Variants in GBE1 observed in about 807,000 individuals in gnomAD.
GBE1 encodes the protein 1,4-alpha-glucan-branching enzyme.
GBE1 carries 70 observed loss-of-function variants against 88.8 expected under a neutral mutation model. The ratio of observed to expected loss-of-function variants is 0.79; its 90% confidence interval spans 0.65 to 0.96. GBE1 has a LOEUF of 0.96. Ranked by LOEUF, GBE1 falls within the 40% of genes least tolerant of loss-of-function variation. The pLI is 0.00. For synonymous variants in GBE1, 284 were observed against 300.1 expected, an observed-to-expected ratio of 0.95 and a Z score of 0.56; for missense variants, 872 against 871.0, an observed-to-expected ratio of 1.00 and a Z score of -0.01.
At chr3:81,753,064 T>C (rs1326336577) in intron 1 of GBE1, among the ~76,000 whole-genome samples, 1 of 152,226 alleles carries the variant, frequency 6.6e-6, no homozygotes, top group African/African-American at 2.4e-5. Flanking sequence ...CAGAGGTTGA[T>C]TAATTTTCCC....
chr3:81,741,783 AAT>A (rs898034949), intron 1 of GBE1, among the ~76,000 whole-genome samples: 5 of 148,652 alleles, frequency 3.4e-5, no homozygotes, highest in African/African-American at 1.2e-4. Context: ...CACTCTACAT[AAT>A]ATATAGAGTA....
At chr3:81,584,940 A>G (rs962403450) in intron 10 of GBE1, among the ~76,000 whole-genome samples, 2 of 152,138 alleles carry the variant, frequency 1.3e-5, no homozygotes, top group Non-Finnish European at 2.9e-5. Flanking sequence ...GAGGGAAAAA[A>G]GTCTACATGA....
chr3:81,708,167 T>C (rs755931263), intron 1 of GBE1, among the ~76,000 whole-genome samples: 1 of 151,950 alleles, frequency 6.6e-6, no homozygotes, highest in Non-Finnish European at 1.5e-5. Context: ...AATAGATCTA[T>C]GGAGAAAAAC....
intron 10 of GBE1, 55 bp downstream of exon 10, chr3:81,586,037 T>A: frequency 1.1e-6 from 1 of 945,674 alleles, no homozygotes; most frequent in Non-Finnish European, 1.6e-6. Context: ...AAATTAAAGA[T>A]AAATGAAGCA....
chr3:81,623,603 C>T (rs1704362228), intron 7 of GBE1, among the ~76,000 whole-genome samples: 1 of 152,122 alleles, frequency 6.6e-6, no homozygotes, highest in African/African-American at 2.4e-5. Flanking sequence ...GGTACTCAAA[C>T]TTTTGTTAAA....
At chr3:81,602,302 C>T (rs1239515830) in intron 7 of GBE1, among the ~76,000 whole-genome samples, 3 of 152,104 alleles carry the variant, frequency 2.0e-5, no homozygotes, top group African/African-American at 7.2e-5. Flanking sequence ...CATAGGACTT[C>T]CTTTAAAGAT....
At chr3:81,605,768 C>T (rs543873102) in intron 7 of GBE1, among the ~76,000 whole-genome samples, 1 of 152,064 alleles carries the variant, frequency 6.6e-6, no homozygotes, top group Non-Finnish European at 1.5e-5. Context: ...TGGCTCAACT[C>T]AGTTGTGGTA....
intron 7 of GBE1, among the ~76,000 whole-genome samples, chr3:81,611,645 A>C (rs1704184355): frequency 6.6e-6 from 1 of 152,218 alleles, no homozygotes; most frequent in African/African-American, 2.4e-5. Context: ...GGAAAGGTGA[A>C]TTAGGGATGC....
At chr3:81,666,141 G>C (rs1464689583) in intron 3 of GBE1, among the ~76,000 whole-genome samples, 1 of 152,004 alleles carries the variant, frequency 6.6e-6, no homozygotes, top group Non-Finnish European at 1.5e-5. Context: ...GCAAACTGAA[G>C]ACTAATAGGC....
chr3:81,581,187 G>T lies in GBE1; in HGVS notation c.1424C>A (p.Ala475Asp). 6.2e-7 allele frequency: 1 copy of T among 1,603,662 alleles called. No individual in the cohort carries two copies. The highest frequency in any genetic ancestry group is 8.5e-7 in the Non-Finnish European group (1 of 1,173,834). ...TNRRYLEKCIAYAESHDQALV... is the reference protein window; with the variant it reads ...TNRRYLEKCIDYAESHDQALV... Reference sequence around the variant, plus strand: ...TACCTGATCATGGCTCTCTGCATAAGCAATGCACTTTTCAAGGTAGCGCCT... The same window carrying T: ...TACCTGATCATGGCTCTCTGCATAATCAATGCACTTTTCAAGGTAGCGCCT... Residue 475 changes from alanine (A) to aspartate (D), a missense_variant, in exon 11 of 16, where the codon GCT becomes GAT. By Grantham distance (126) the Ala-to-Asp change is moderately radical (BLOSUM62 -2). Coordinates refer to ENST00000429644, the MANE Select transcript of GBE1 (RefSeq NM_000158.4).
intron 14 of GBE1, among the ~76,000 whole-genome samples, chr3:81,528,183 C>T (rs556047190): frequency 7.6e-6 from 1 of 132,048 alleles, no homozygotes; most frequent in Admixed American, 9.3e-5. Context: ...CACATGGACA[C>T]AGGAAGGGGA....
At chr3:81,759,920 T>C (rs913622579) in intron 1 of GBE1, among the ~76,000 whole-genome samples, 2 of 152,172 alleles carry the variant, frequency 1.3e-5, no homozygotes, top group Non-Finnish European at 2.9e-5. Context: ...AGTGTCCTTT[T>C]ACAAAGCACA....
intron 7 of GBE1, among the ~76,000 whole-genome samples, chr3:81,609,044 T>C (rs76560882): frequency 2.0e-5 from 3 of 151,400 alleles, no homozygotes; most frequent in East Asian, 1.9e-4. Flanking sequence ...AAAGGAAGAG[T>C]AGAGTTATTT....
intron 7 of GBE1, among the ~76,000 whole-genome samples, chr3:81,620,953 A>G (rs566811606): frequency 1.3e-5 from 2 of 152,330 alleles, no homozygotes; most frequent in Non-Finnish European, 2.9e-5. Flanking sequence ...GAGACTCAGT[A>G]TACGAGAGGA....
At chr3:81,675,127 CAGGGACTACACTTTAGAAACAA>C (rs1705234809) in intron 2 of GBE1, among the ~76,000 whole-genome samples, 1 of 151,952 alleles carries the variant, frequency 6.6e-6, no homozygotes, top group Non-Finnish European at 1.5e-5. Context: ...CTTTAGAAAC[CAGGGACTACACTTTAGAAACAA>C]CTGCCCTAGT....
intron 2 of GBE1, among the ~76,000 whole-genome samples, chr3:81,676,024 T>C (rs528968513): frequency 6.6e-6 from 1 of 152,166 alleles, no homozygotes; most frequent in Non-Finnish European, 1.5e-5. Flanking sequence ...ATATATTTTC[T>C]GTTTCTTATG....
chr3:81,604,495 T>C (rs1171322501), intron 7 of GBE1, among the ~76,000 whole-genome samples: 1 of 151,840 alleles, frequency 6.6e-6, no homozygotes, highest in Admixed American at 6.6e-5. Flanking sequence ...TCATGTTTCC[T>C]AGCCTGGTCT....
At chr3:81,600,573 A>G (rs1253900106) in intron 7 of GBE1, among the ~76,000 whole-genome samples, 1 of 152,148 alleles carries the variant, frequency 6.6e-6, no homozygotes, top group African/African-American at 2.4e-5. Context: ...AACATAAAGT[A>G]TCTGGGAACT....
chr3:81,640,724 A>C (rs2107055280), intron 7 of GBE1, among the ~76,000 whole-genome samples: 1 of 152,114 alleles, frequency 6.6e-6, no homozygotes, highest in African/African-American at 2.4e-5. Flanking sequence ...AAAATGGGAA[A>C]ATTTAGATAT....
Sources: allele counts gnomAD v4.1 joint callset (sites outside exome capture counted in the v4.1 genomes callset), GRCh38; gene constraint gnomAD v4.1.1; transcripts MANE v1.5; gene names NCBI Gene and HGNC (gene_info 2026-07-23, HGNC 2026-07-21).